Variants in WNT9B observed in about 807,000 individuals in gnomAD.
WNT9B encodes the protein protein Wnt-9b.
In WNT9B, 12 loss-of-function variants were observed where a neutral mutation model predicts 30.2. The ratio of observed to expected loss-of-function variants is 0.40; its 90% CI spans 0.26 to 0.64. WNT9B has a LOEUF of 0.64. Ranked by LOEUF, WNT9B falls within the 30% of genes least tolerant of loss-of-function variation. The pLI, the probability that WNT9B is intolerant of heterozygous loss-of-function variation, is 0.42. For missense variants in WNT9B, 442 were observed against 485.2 expected, an observed-to-expected ratio of 0.91 and a Z score of 0.84; for synonymous variants, 218 against 216.9, an observed-to-expected ratio of 1.01 and a Z score of -0.05.
At chr17:46,840,337 C>T (rs1032242293) in intron 1 of WNT9B, among the ~76,000 whole-genome samples, 2 of 152,170 alleles carry the variant, frequency 1.3e-5, no homozygotes, top group East Asian at 1.9e-4. Flanking sequence ...CCACCCGCCT[C>T]GGCCTCCCAA....
intron 1 of WNT9B, among the ~76,000 whole-genome samples, chr17:46,835,281 G>T (rs958426762): frequency 6.6e-6 from 1 of 151,746 alleles, no homozygotes; most frequent in African/African-American, 2.4e-5. Flanking sequence ...GCACAATCCC[G>T]GCTCACTGCA....
intron 1 of WNT9B, among the ~76,000 whole-genome samples, chr17:46,840,702 C>T (rs2084703213): frequency 6.6e-6 from 1 of 152,246 alleles, no homozygotes; most frequent in Non-Finnish European, 1.5e-5. Context: ...TTCTAACTGG[C>T]GTGAGATGGT....
At position 46,834,221 on chromosome 17, in the gene WNT9B, C is replaced by T. The variant is rs189740189; in HGVS notation, c.95+781C>T. Among the ~76,000 whole-genome samples the T allele has an allele frequency of 3.2e-3, 494 of 152,208 alleles. 4 individuals are homozygous for T. The highest frequency in any genetic ancestry group is 5.2e-3 in the Non-Finnish European group (351 of 67,998). On this transcript the variant is annotated intron_variant, in intron 1 of 2. Coordinates refer to the WNT9B transcript ENST00000575372. Reference sequence around the variant, plus strand: ...AAAAATAAAAAAAGAAAATGTCTTACTTCCAGAGGGGCTGAATCTCCATGA... The same window carrying T: ...AAAAATAAAAAAAGAAAATGTCTTATTTCCAGAGGGGCTGAATCTCCATGA...
rs2085374138 is a variant in WNT9B, at chr17:46,878,130, G to A, written c.*1412G>A. ...AAGACCTTGCAGGGGTCCCCTTGCT[G>A]GAGGCATTGTACTTCCCCAGAGTGG... On this transcript the variant is annotated 3_prime_UTR_variant, in exon 4 of 4. Transcript: ENST00000290015. 6.6e-6 allele frequency among the ~76,000 whole-genome samples: 1 copy of A among 152,218 alleles called. No individual in the cohort carries two copies. Among genetic ancestry groups the A allele is most frequent in the South Asian group, 2.1e-4 (1 of 4,822 alleles).
chr17:46,854,258 G>C (rs2084903338), intron 1 of WNT9B, among the ~76,000 whole-genome samples: 1 of 152,106 alleles, frequency 6.6e-6, no homozygotes, highest in African/African-American at 2.4e-5. Flanking sequence ...TGCATTCGCT[G>C]TCTGGGAGGA....
At chr17:46,883,038 G>A (rs1019753822), downstream of WNT9B, among the ~76,000 whole-genome samples, 14 of 151,952 alleles carry the variant, frequency 9.2e-5, no homozygotes, top group Non-Finnish European at 2.1e-4. Context: ...GAGTGCAGTG[G>A]CATGATCTCT....
At chr17:46,853,759 G>T (rs956823445) in intron 1 of WNT9B, among the ~76,000 whole-genome samples, 21 of 152,030 alleles carry the variant, frequency 1.4e-4, no homozygotes, top group African/African-American at 5.1e-4. Context: ...GGGACAAATG[G>T]TACCTATATC....
chr17:46,862,163 C>CAAAAAA (rs111407961), intron 1 of WNT9B, among the ~76,000 whole-genome samples: 16 of 79,584 alleles, frequency 2.0e-4, no homozygotes, highest in South Asian at 1.5e-3. Context: ...AACTCCGTCT[C>CAAAAAA]AAAAAAAAAA....
intron 1 of WNT9B, among the ~76,000 whole-genome samples, chr17:46,866,878 G>T (rs1246881891): frequency 4.6e-5 from 7 of 152,176 alleles, no homozygotes; most frequent in Non-Finnish European, 8.8e-5. Flanking sequence ...GAAGAACAGG[G>T]CTTGGGGTCC....
At position 46,871,353 on chromosome 17, in the gene WNT9B, C is replaced by T. The variant is rs2085240692; in HGVS notation, c.78-1164C>T. ...AGCAAACATTTTGAACCAGCAGAGC[C>T]ATCTCACAGAGAGCTTCTGGGAAGA... On this transcript the variant is annotated intron_variant, in intron 1 of 3. Coordinates refer to ENST00000290015, the MANE Select transcript of WNT9B (RefSeq NM_003396.3). Among the ~76,000 whole-genome samples the T allele has an allele frequency of 2.0e-5, 3 of 152,312 alleles. No individual in the cohort carries two copies. In the South Asian group the frequency reaches 6.2e-4, roughly 32 times the overall value.
intron 3 of WNT9B, 102 bp from the exon 4 acceptor site, chr17:46,876,143 C>T (rs2085341161): frequency 1.7e-6 from 2 of 1,155,832 alleles, no homozygotes; most frequent in South Asian, 3.2e-5. Context: ...GGTCTCTTTC[C>T]CATTCTCCTG....
At chr17:46,837,220 C>T (rs1198114593) in intron 1 of WNT9B, among the ~76,000 whole-genome samples, 1 of 152,150 alleles carries the variant, frequency 6.6e-6, no homozygotes. Context: ...GGATTACAGG[C>T]GTGAGCCACC....
chr17:46,863,789 C>T (rs7222056), intron 1 of WNT9B, among the ~76,000 whole-genome samples: 1 of 152,160 alleles, frequency 6.6e-6, no homozygotes, highest in Non-Finnish European at 1.5e-5. Context: ...CTTTCTCCAG[C>T]CCTGGCTGGC....
At chr17:46,869,529 AC>A (rs748523881) in intron 1 of WNT9B, among the ~76,000 whole-genome samples, 2 of 152,320 alleles carry the variant, frequency 1.3e-5, no homozygotes, top group South Asian at 4.1e-4. Context: ...GAACAAACCA[AC>A]AAAAACCAGA....
chr17:46,853,440 T>C (rs759935656), intron 1 of WNT9B, among the ~76,000 whole-genome samples: 12 of 149,472 alleles, frequency 8.0e-5, no homozygotes, highest in Middle Eastern at 3.4e-3. Flanking sequence ...GATGTGATCT[T>C]GGGTCACTGC....
chr17:46,833,473 A>G, intron 1 of WNT9B: 1 of 484,692 alleles, frequency 2.1e-6, no homozygotes, highest in South Asian at 1.5e-5. Flanking sequence ...CAGCCAACCC[A>G]CCCCGACTCC....
At chr17:46,842,942 G>A (rs2084733084) in intron 1 of WNT9B, among the ~76,000 whole-genome samples, 1 of 152,226 alleles carries the variant, frequency 6.6e-6, no homozygotes, top group East Asian at 1.9e-4. Flanking sequence ...TGAAGAAACC[G>A]AGGTCGCAGA....
upstream of WNT9B, among the ~76,000 whole-genome samples, chr17:46,848,542 G>C (rs1045289147): frequency 6.6e-6 from 1 of 152,190 alleles, no homozygotes; most frequent in Non-Finnish European, 1.5e-5. Flanking sequence ...CCTTCCTCAG[G>C]GATCCTATAA....
chr17:46,851,673 T>C lies in WNT9B; in HGVS notation c.35T>C (p.Leu12Pro). 1 of 1,308,768 alleles carries C rather than the reference T, an allele frequency of 7.6e-7. No individual in the cohort carries two copies. The highest frequency in any genetic ancestry group is 9.7e-7 in the Non-Finnish European group (1 of 1,032,798). The allele number at this position is 1,308,768 out of a possible 1,614,324, so 81.1% of individuals were successfully genotyped here. A position where few individuals can be genotyped will look rare whatever the true frequency, so the allele number is the denominator to read the frequency against. ...CCGCCCGCGCTGGCCCTGGCCGGGC[T>C]CTGCCTGCTGGCGCTGCCCGCCGCC... The part of the protein sequence containing the change: ...RPPPALALAG[L>P]CLLALPAAAA... The change falls in exon 1 of 4, where the codon CTC becomes CCC. Residue 12 changes from leucine (L) to proline (P), a missense_variant. Transcript: ENST00000290015. The surrounding 1 kb of genome is among the most constrained non-coding windows in gnomAD (Gnocchi z 4.3).
Sources: gnomAD v4.1 joint callset for allele counts (sites outside exome capture counted in the v4.1 genomes callset) on GRCh38, gnomAD v4.1.1 for gene constraint, Gnocchi (gnomAD v3.1) non-coding constraint, MANE v1.5 for transcripts, NCBI Gene and HGNC (gene_info 2026-07-23, HGNC 2026-07-21) for gene names.